The following EIF4G3 variants were observed in gnomAD, a reference collection of about 807,000 sequenced individuals.
EIF4G3 encodes the protein eukaryotic translation initiation factor 4 gamma 3, also known as eIF-4-gamma 3.
EIF4G3 carries 34 observed loss-of-function variants against 186.4 expected under a neutral mutation model. That is an observed-to-expected ratio of 0.18 (90% CI 0.14 to 0.24). EIF4G3 has a LOEUF of 0.24. EIF4G3 is among the 10% of genes least tolerant of loss of function. The pLI is 1.00. For synonymous variants in EIF4G3, 673 were observed against 679.5 expected (o/e 0.99, Z 0.15); for missense variants, 1,536 against 1,948.5 (o/e 0.79, Z 3.99).
chr1:20,878,055 C>T (rs1321030269), intron 20 of EIF4G3, among the ~76,000 whole-genome samples: 2 of 152,138 alleles, frequency 1.3e-5, no homozygotes, highest in Admixed American at 6.5e-5. Context: ...TTAGTAGAGA[C>T]GAAGTTTCCC....
rs769752313 is a variant in EIF4G3 at position 20,894,752 on chromosome 1, G to T, written c.2133+616C>A. Among the ~76,000 whole-genome samples, 3 of 152,146 alleles carry T rather than the reference G, an allele frequency of 2.0e-5. No homozygotes were observed. The South Asian group carries it at 6.2e-4, about 32-fold the overall frequency. On this transcript the variant is annotated intron_variant, in intron 17 of 36. Coordinates refer to ENST00000602326, the MANE Select transcript of EIF4G3 (RefSeq NM_001391906.1). ...TTCAAGCTTAATCATCAGCTCTGAT[G>T]AAATTACTTTAGTAGATCTGACTTT...
chr1:20,808,142 C>T (rs2058475333), intron 36 of EIF4G3, among the ~76,000 whole-genome samples: 2 of 151,978 alleles, frequency 1.3e-5, no homozygotes, highest in African/African-American at 4.8e-5. Flanking sequence ...TCTTGGCCTC[C>T]CAAAGTGCTG....
intron 19 of EIF4G3, among the ~76,000 whole-genome samples, chr1:20,882,699 T>C (rs1175902066): frequency 2.0e-5 from 3 of 151,590 alleles, no homozygotes; most frequent in African/African-American, 7.3e-5. Flanking sequence ...CCCAGCTACT[T>C]GGAAGGCTGA....
At chr1:20,850,535 T>C (rs1046308955) in intron 28 of EIF4G3, among the ~76,000 whole-genome samples, 1 of 152,222 alleles carries the variant, frequency 6.6e-6, no homozygotes, top group Non-Finnish European at 1.5e-5. Context: ...TCATGACTAA[T>C]ATTTAAAAGA....
chr1:20,980,002 T>C (rs1303450538), intron 10 of EIF4G3, among the ~76,000 whole-genome samples: 1 of 152,154 alleles, frequency 6.6e-6, no homozygotes, highest in East Asian at 1.9e-4. Context: ...CCTCCTAAAG[T>C]GCTGGGATTA....
chr1:20,815,018 C>T (rs2060211579), intron 34 of EIF4G3, among the ~76,000 whole-genome samples: 1 of 74,092 alleles, frequency 1.3e-5, no homozygotes. Flanking sequence ...CTCCTAACCG[C>T]GAGTGATCCG....
At chr1:20,988,580 C>T (rs1280853808) in intron 7 of EIF4G3, 3 of 152,432 alleles carry the variant, frequency 2.0e-5, no homozygotes, top group Non-Finnish European at 4.4e-5. Context: ...AATGATAGCA[C>T]ATCTGTTTGC....
At position 20,955,856 on chromosome 1, in the gene EIF4G3, C is replaced by T. The variant is rs537187591; in HGVS notation, c.715-5745G>A. On this transcript the variant is annotated intron_variant, in intron 12 of 36. Transcript: ENST00000602326. ...TGGAGGAGACATAAGGTTTGGAAGT[C>T]ATGGGTTTGGTTAGAGGAAAACCAT... 2.6e-5 allele frequency among the ~76,000 whole-genome samples: 4 copies of T among 152,182 alleles called. No individual in the cohort carries two copies. The East Asian group carries it at 7.7e-4, about 29-fold the overall frequency.
At chr1:21,025,109 A>G (rs1424063120) in intron 4 of EIF4G3, among the ~76,000 whole-genome samples, 1 of 152,182 alleles carries the variant, frequency 6.6e-6, no homozygotes, top group Non-Finnish European at 1.5e-5. Context: ...AAACAGAAGC[A>G]CAAAGACCTG....
intron 12 of EIF4G3, 49 bp downstream of exon 12, chr1:20,969,425 G>T (rs759816707): frequency 1.2e-5 from 19 of 1,608,206 alleles, no homozygotes; most frequent in Non-Finnish European, 1.6e-5. Flanking sequence ...GAGTTCAGTA[G>T]AGGTTAGTGA....
At chr1:21,024,375 C>G (rs1285819792) in intron 4 of EIF4G3, among the ~76,000 whole-genome samples, 1 of 152,246 alleles carries the variant, frequency 6.6e-6, no homozygotes, top group Non-Finnish European at 1.5e-5. Context: ...AGCCAGCCAC[C>G]CCGTCTGGGA....
chr1:20,877,732 G>T (rs2081271418), intron 20 of EIF4G3, among the ~76,000 whole-genome samples: 1 of 152,220 alleles, frequency 6.6e-6, no homozygotes, highest in South Asian at 2.1e-4. Context: ...ATTACAAGTG[G>T]TATGAATTAA....
At chr1:21,050,821 C>T (rs6426663) in intron 4 of EIF4G3, 45 bp downstream of exon 4, 671,700 of 683,804 alleles carry the variant, frequency 0.98, 330,892 homozygotes, top group East Asian at 1. Context: ...AAAATGATGC[C>T]TTTACAGGGA....
In EIF4G3 at chr1:21,008,779, C is replaced by T. The variant is rs539186425; in HGVS notation, c.-66-5971G>A. On this transcript the variant is annotated intron_variant, in intron 4 of 36. Transcript: ENST00000602326. ...ATTTAATGACATGGAATGAGTAATA[C>T]AGAGAATGCTGAAATAATCCCACAT... is the stretch of plus-strand genomic sequence containing the variant. Among the ~76,000 whole-genome samples, 7 of 152,224 alleles carry T rather than the reference C, an allele frequency of 4.6e-5. No homozygotes were observed. The East Asian group carries it at 1.2e-3, about 25-fold the overall frequency.
intron 3 of EIF4G3, among the ~76,000 whole-genome samples, chr1:21,071,282 T>C (rs75372282): frequency 0.017 from 2,604 of 152,186 alleles, 41 homozygotes; most frequent in Non-Finnish European, 0.026. Context: ...CATGACGACA[T>C]GCACCTGTAG....
intron 3 of EIF4G3, among the ~76,000 whole-genome samples, chr1:21,087,998 A>C (rs2096054483): frequency 6.6e-6 from 1 of 152,070 alleles, no homozygotes; most frequent in Admixed American, 6.5e-5. Context: ...TGGGAGGCTG[A>C]GGCAGGAGGA....
At chr1:20,848,706 C>T (rs1216975857) in intron 29 of EIF4G3, among the ~76,000 whole-genome samples, 1 of 152,046 alleles carries the variant, frequency 6.6e-6, no homozygotes, top group Non-Finnish European at 1.5e-5. Context: ...AAAAGTAATG[C>T]TGGCCATATT....
At chr1:20,868,233 T>A (rs2078130432) in intron 20 of EIF4G3, among the ~76,000 whole-genome samples, 1 of 151,798 alleles carries the variant, frequency 6.6e-6, no homozygotes, top group Non-Finnish European at 1.5e-5. Context: ...GATACCTTAA[T>A]CTGCTTGGGC....
intron 3 of EIF4G3, among the ~76,000 whole-genome samples, chr1:21,084,374 G>A (rs1393794477): frequency 6.6e-6 from 1 of 152,128 alleles, no homozygotes; most frequent in Admixed American, 6.6e-5. Context: ...AGGAGAGAGA[G>A]AGAGAGCAAG....
Sources: allele counts gnomAD v4.1 joint callset (sites outside exome capture counted in the v4.1 genomes callset), GRCh38; gene constraint gnomAD v4.1.1; transcripts MANE v1.5; gene names NCBI Gene and HGNC (gene_info 2026-07-23, HGNC 2026-07-21).